KIF9: variants seen among roughly 807,000 people sequenced by gnomAD.
KIF9 encodes the protein kinesin family member 9.
Under a neutral mutation model 94.8 loss-of-function variants are expected in KIF9, and 68 were observed. The ratio of observed to expected loss-of-function variants is 0.72; its 90% CI spans 0.59 to 0.88. The LOEUF is 0.88. Among genes scored for constraint, KIF9 ranks in the 40% least tolerant of loss-of-function variants. The probability of loss-of-function intolerance (pLI) is 0.00; values close to 1 mark genes in which losing one functional copy is unlikely to be tolerated. For synonymous variants in KIF9, 343 were observed against 362.1 expected (o/e 0.95, Z 0.60); for missense variants, 882 against 982.5 (o/e 0.90, Z 1.37).
In KIF9 at chr3:47,279,201, G is replaced by T. The variant is rs573405702; in HGVS notation, c.-5-1822C>A. On this transcript the variant is annotated intron_variant, in intron 1 of 20. Transcript: ENST00000684063. ...AAAAAAACTAACGTGGGCCAAGTGC[G>T]TTGGCTCTTGCCTGTAATCCCAGCA... Among the ~76,000 whole-genome samples the T allele has an allele frequency of 5.5e-5, 8 of 144,894 alleles. No homozygotes were observed. In the East Asian group the frequency reaches 1.7e-3, roughly 31 times the overall value.
intron 3 of KIF9, 177 bp downstream of exon 3, chr3:47,275,148 G>C: frequency 1.7e-6 from 1 of 584,534 alleles, no homozygotes. Context: ...CAGGACATTG[G>C]ATCAAGCCAT....
At chr3:47,281,508 C>A (rs1164208421) in intron 1 of KIF9, among the ~76,000 whole-genome samples, 1 of 152,024 alleles carries the variant, frequency 6.6e-6, no homozygotes, top group Non-Finnish European at 1.5e-5. Context: ...CCACCACGCC[C>A]GGGTAATTTT....
At chr3:47,249,676 C>T (rs1284443072) in intron 10 of KIF9, among the ~76,000 whole-genome samples, 1 of 152,162 alleles carries the variant, frequency 6.6e-6, no homozygotes, top group Admixed American at 6.5e-5. Flanking sequence ...ATTCTCTTCT[C>T]CTAAGTATTT....
chr3:47,228,006 G>C lies in KIF9; in HGVS notation c.*646C>G, dbSNP rs151030453. 3 of 152,482 alleles carry C rather than the reference G, an allele frequency of 2.0e-5. No individual in the cohort carries two copies. Among genetic ancestry groups the C allele is most frequent in the East Asian group, 1.9e-4 (1 of 5,186 alleles). 9.4% of individuals were successfully genotyped at this position (152,482 alleles called of 1,614,324 possible). ...CATGCAGAGGACATGTCTCCCAGAA[G>C]CTGCTCATTTATTCCCTGGTACATG... On this transcript the variant is annotated 3_prime_UTR_variant, in exon 21 of 21. Transcript: ENST00000684063.
intron 8 of KIF9, among the ~76,000 whole-genome samples, chr3:47,265,399 AAGACACCATGGGAG>A (rs923922333): frequency 9.2e-5 from 14 of 152,088 alleles, no homozygotes; most frequent in Admixed American, 7.9e-4. Context: ...AGGGGAAGGG[AAGACACCATGGGAG>A]AGAGGCCCTC....
chr3:47,276,838 T>C (rs552727890), intron 2 of KIF9, among the ~76,000 whole-genome samples: 3 of 152,314 alleles, frequency 2.0e-5, no homozygotes, highest in East Asian at 3.9e-4. Flanking sequence ...TTCAGAAGCA[T>C]TCTCAGGGTG....
intron 20 of KIF9, among the ~76,000 whole-genome samples, chr3:47,231,330 G>A (rs543477757): frequency 6.6e-6 from 1 of 150,852 alleles, no homozygotes; most frequent in Middle Eastern, 3.2e-3. Context: ...CCCAAGTGTG[G>A]TCCTGGACTA....
At chr3:47,268,887 T>C (rs75387177) in intron 5 of KIF9, among the ~76,000 whole-genome samples, 1,657 of 152,198 alleles carry the variant, frequency 0.011, 32 homozygotes, top group African/African-American at 0.038. Context: ...AGCAGGTCAT[T>C]CACCTTTACT....
chr3:47,281,492 C>T (rs1702348988), intron 1 of KIF9, among the ~76,000 whole-genome samples: 1 of 152,156 alleles, frequency 6.6e-6, no homozygotes. Flanking sequence ...GGACTACAGG[C>T]GTGCACCACC....
chr3:47,229,263 C>G (rs1214109385), intron 20 of KIF9, among the ~76,000 whole-genome samples: 1 of 152,212 alleles, frequency 6.6e-6, no homozygotes, highest in Non-Finnish European at 1.5e-5. Flanking sequence ...CCATATTAAA[C>G]TGGAATTCTT....
At position 47,236,425 on chromosome 3, in the gene KIF9, C is replaced by T; in HGVS notation, c.2101+18G>A. ...TCCTTGTACCTCAGGTGGCGGCCAA[C>T]CTTCCCAACTGTCGCACCCATGAGC... On this transcript the variant is annotated intron_variant, in intron 18 of 20. Coordinates refer to ENST00000684063, the MANE Select transcript of KIF9 (RefSeq NM_182902.4). The T allele has an allele frequency of 1.2e-6, 2 of 1,612,168 alleles. No individual in the cohort carries two copies. The highest frequency in any genetic ancestry group is 1.7e-6 in the Non-Finnish European group (2 of 1,179,772).
intron 9 of KIF9, among the ~76,000 whole-genome samples, chr3:47,260,624 C>T (rs572296394): frequency 1.6e-4 from 24 of 152,228 alleles, no homozygotes; most frequent in East Asian, 7.7e-4. Flanking sequence ...GTAAGGTAGA[C>T]GTATCATCAA....
intron 1 of KIF9, 91 bp from the exon 2 acceptor site, chr3:47,277,470 G>A (rs1702056143): frequency 1.2e-6 from 1 of 831,790 alleles, no homozygotes; most frequent in Non-Finnish European, 1.9e-6. Flanking sequence ...TCAGAAAAGA[G>A]TGACGAGCAG....
At chr3:47,243,844 T>G in intron 15 of KIF9, 1 of 152,306 alleles carries the variant, frequency 6.6e-6, no homozygotes, top group Middle Eastern at 3.1e-3. Context: ...GGTCTGAGGA[T>G]AGAAAATCTG....
At chr3:47,277,242 G>A (rs530314895) in intron 2 of KIF9, 40 bp downstream of exon 2, 12 of 1,450,118 alleles carry the variant, frequency 8.3e-6, no homozygotes, top group Non-Finnish European at 1.2e-5. Context: ...AGGTGGGACA[G>A]AGAGGCCCAG....
chr3:47,273,735 G>A, intron 3 of KIF9, 77 bp from the exon 4 acceptor site: 2 of 1,296,684 alleles, frequency 1.5e-6, no homozygotes, highest in South Asian at 2.5e-5. Context: ...AGCATGCCTG[G>A]TGCCAGCCAG....
chr3:47,254,145 G>T (rs1386314923), intron 10 of KIF9, among the ~76,000 whole-genome samples: 1 of 152,166 alleles, frequency 6.6e-6, no homozygotes, highest in Non-Finnish European at 1.5e-5. Flanking sequence ...TACAAATGAA[G>T]AAACTGAGCC....
rs1036071399 is a variant in KIF9 at position 47,235,620 on chromosome 3, G to C, written c.2218-3C>G. The C allele has an allele frequency of 1.2e-6, 2 of 1,608,502 alleles. No individual in the cohort carries two copies. The highest frequency in any genetic ancestry group is 1.7e-6 in the Non-Finnish European group (2 of 1,175,034). ...AATTTGTCCTGGTCATCTTCTCCCT[G>C]GGGGAGGACAGTCCCTTTAGCATGG... On this transcript the variant is annotated splice_region_variant and splice_polypyrimidine_tract_variant and intron_variant, in intron 19 of 20. Transcript: ENST00000684063.
At chr3:47,276,579 A>G (rs564516277) in intron 2 of KIF9, among the ~76,000 whole-genome samples, 1 of 151,766 alleles carries the variant, frequency 6.6e-6, no homozygotes, top group African/African-American at 2.4e-5. Context: ...AAAAAAGAAA[A>G]GAAAGAAAGA....
Sources: allele counts gnomAD v4.1 joint callset (sites outside exome capture counted in the v4.1 genomes callset), GRCh38; gene constraint gnomAD v4.1.1; transcripts MANE v1.5; gene names NCBI Gene and HGNC (gene_info 2026-07-23, HGNC 2026-07-21).